The following QRICH1 variants were observed in gnomAD, a reference collection of about 807,000 sequenced individuals.
QRICH1 encodes transcriptional regulator QRICH1.
Under a neutral mutation model 87.1 loss-of-function variants are expected in QRICH1, and 16 were observed. The observed-to-expected ratio is 0.18, with a 90% CI of 0.12 to 0.28. The LOEUF (loss-of-function observed/expected upper bound fraction) is 0.28, where lower values mean the gene tolerates loss of function less well. QRICH1 is among the 10% of genes least tolerant of loss of function. QRICH1 has a pLI of 1.00. For missense variants in QRICH1, 647 were observed against 951.7 expected (o/e 0.68, Z 4.21); for synonymous variants, 367 against 368.4 (o/e 1.00, Z 0.05).
chr3:49,049,619 T>A (rs911205488), intron 3 of QRICH1, among the ~76,000 whole-genome samples: 1 of 151,866 alleles, frequency 6.6e-6, no homozygotes, highest in Non-Finnish European at 1.5e-5. Flanking sequence ...TGCCTCAGCC[T>A]CCCGAGTAGC....
At chr3:49,089,339 C>T (rs1430247223) in intron 1 of QRICH1, among the ~76,000 whole-genome samples, 1 of 152,196 alleles carries the variant, frequency 6.6e-6, no homozygotes, top group East Asian at 1.9e-4. Flanking sequence ...GGATTACAGG[C>T]ATGAGCCACT....
chr3:49,038,730 A>G (rs1223668955), intron 6 of QRICH1, among the ~76,000 whole-genome samples: 2 of 152,094 alleles, frequency 1.3e-5, no homozygotes, highest in Non-Finnish European at 2.9e-5. Context: ...TTTTTAAATT[A>G]TTTTTTAAAG....
chr3:49,074,516 G>A (rs2041910228), intron 2 of QRICH1, among the ~76,000 whole-genome samples: 2 of 151,740 alleles, frequency 1.3e-5, no homozygotes, highest in Admixed American at 6.6e-5. Context: ...AGCTTGCAGA[G>A]AGCCAAGGTC....
intron 3 of QRICH1, 114 bp downstream of exon 3, chr3:49,056,748 G>C: frequency 6.7e-7 from 1 of 1,500,642 alleles, no homozygotes; most frequent in East Asian, 2.3e-5. Flanking sequence ...ACTAAATACT[G>C]CATCACTGTA....
At chr3:49,045,012 T>G (rs1181346867) in intron 5 of QRICH1, among the ~76,000 whole-genome samples, 2 of 151,874 alleles carry the variant, frequency 1.3e-5, no homozygotes, top group African/African-American at 4.8e-5. Flanking sequence ...GGCAACAGAA[T>G]AAGTCCCAAC....
rs2093450184 is a variant in QRICH1 at position 49,063,880 on chromosome 3, C to G, written c.310-5990G>C. Among the ~76,000 whole-genome samples the G allele has an allele frequency of 3.3e-5, 5 of 152,242 alleles. No homozygotes were observed. The South Asian group carries it at 8.3e-4, about 25-fold the overall frequency. On this transcript the variant is annotated intron_variant, in intron 2 of 9. Coordinates refer to ENST00000395443, the MANE Select transcript of QRICH1 (RefSeq NM_198880.3). Reference sequence around the variant, plus strand: ...ATATCTAGTAATATTTACTTGTACTCTAAATTAAAACTAGGAATTTAATTT... The same window carrying G: ...ATATCTAGTAATATTTACTTGTACTGTAAATTAAAACTAGGAATTTAATTT...
At chr3:49,054,243 C>T (rs2093388126) in intron 3 of QRICH1, among the ~76,000 whole-genome samples, 1 of 152,180 alleles carries the variant, frequency 6.6e-6, no homozygotes, top group Admixed American at 6.6e-5. Context: ...CACTGACCTG[C>T]AATTGGACCA....
intron 6 of QRICH1, among the ~76,000 whole-genome samples, chr3:49,039,521 G>A (rs1485978895): frequency 1.3e-5 from 2 of 150,066 alleles, no homozygotes; most frequent in Non-Finnish European, 3.0e-5. Flanking sequence ...GCTACTCGGA[G>A]GCTGAGGCAC....
intron 2 of QRICH1, among the ~76,000 whole-genome samples, chr3:49,063,617 C>T (rs969370070): frequency 1.3e-5 from 2 of 152,146 alleles, no homozygotes; most frequent in East Asian, 1.9e-4. Context: ...AGTGACACCC[C>T]TATCTCTACA....
In QRICH1 at chr3:49,048,939, T is replaced by C. The variant is rs2093354370; in HGVS notation, c.1339-1693A>G. ...CCCTCTGAGATGGAGTCTTGCTCTT[T>C]CGCCTAGGCTGGAGTGCAGTGGCAC... On this transcript the variant is annotated intron_variant, in intron 3 of 9. Transcript: ENST00000395443. Among the ~76,000 whole-genome samples the C allele has an allele frequency of 7.9e-5, 12 of 151,394 alleles. No individual in the cohort carries two copies. In the South Asian group the frequency reaches 2.5e-3, roughly 32 times the overall value.
At chr3:49,074,583 C>T (rs1232507936) in intron 2 of QRICH1, among the ~76,000 whole-genome samples, 1 of 148,290 alleles carries the variant, frequency 6.7e-6, no homozygotes, top group African/African-American at 2.5e-5. Context: ...GGAAAAAATA[C>T]AAAAGAAAAG....
At chr3:49,077,688 T>G (rs1204834135) in intron 1 of QRICH1, among the ~76,000 whole-genome samples, 3 of 152,196 alleles carry the variant, frequency 2.0e-5, no homozygotes, top group African/African-American at 7.2e-5. Flanking sequence ...TATGTAACTC[T>G]AGAAAAGTCA....
At chr3:49,034,123 G>A (rs1036406740) in intron 6 of QRICH1, among the ~76,000 whole-genome samples, 16 of 145,920 alleles carry the variant, frequency 1.1e-4, no homozygotes, top group African/African-American at 1.8e-4. Flanking sequence ...AAGATACAGG[G>A]TCTCTTCTAC....
chr3:49,093,832 C>T, intron 1 of QRICH1, 80 bp downstream of exon 1: 1 of 272,758 alleles, frequency 3.7e-6, no homozygotes, highest in Non-Finnish European at 6.8e-6. Context: ...CCGCCCGCCC[C>T]CGCCCGCCGT....
chr3:49,090,488 C>T (rs1256856768), intron 1 of QRICH1, among the ~76,000 whole-genome samples: 1 of 147,730 alleles, frequency 6.8e-6, no homozygotes, highest in African/African-American at 2.5e-5. Flanking sequence ...ATTAGCCCAG[C>T]GTGGTGGCGG....
intron 1 of QRICH1, among the ~76,000 whole-genome samples, chr3:49,077,264 A>C (rs1348769650): frequency 6.6e-6 from 1 of 152,182 alleles, no homozygotes; most frequent in Non-Finnish European, 1.5e-5. Context: ...CAAAAAAACA[A>C]ACACATGCTT....
intron 6 of QRICH1, 66 bp from the exon 7 acceptor site, chr3:49,033,294 G>A: frequency 2.0e-6 from 2 of 989,790 alleles, no homozygotes; most frequent in African/African-American, 1.7e-5. Flanking sequence ...TACAATATGG[G>A]ATGTGTGAAG....
chr3:49,032,653 C>A lies in QRICH1; in HGVS notation c.2016G>T (p.Lys672Asn), dbSNP rs1403850772. ...GGCCAGTCTGGTGTATTCCAAGGGCCTTCAAGTACCGGATACTCGTGCTTT... is the reference window on the plus strand; with the variant it reads ...GGCCAGTCTGGTGTATTCCAAGGGCATTCAAGTACCGGATACTCGTGCTTT... ...KDKSTSIRYLKALGIHQTGQK... is the reference protein window; with the variant it reads ...KDKSTSIRYLNALGIHQTGQK... The change falls in exon 8 of 10, where the codon AAG (lysine) becomes AAT (asparagine). Residue 672 changes from lysine to asparagine, a missense_variant. Physicochemically the swap from Lys to Asn is moderately conservative, Grantham distance 94. Around this residue, in one of 7 missense-constraint regions of QRICH1, gnomAD observed 187 missense variants for 309.5 expected, o/e 0.60. Coordinates refer to ENST00000395443, the MANE Select transcript of QRICH1 (RefSeq NM_198880.3). The A allele has an allele frequency of 1.2e-6, 2 of 1,608,372 alleles. No individual in the cohort carries two copies. Among genetic ancestry groups the A allele is most frequent in the East Asian group, 2.2e-5 (1 of 44,788 alleles).
intron 6 of QRICH1, among the ~76,000 whole-genome samples, chr3:49,034,079 T>TTTTTTATTA (rs1553739007): frequency 1.8e-4 from 27 of 147,208 alleles, no homozygotes; most frequent in African/African-American, 5.7e-4. Context: ...TTTGGGGGAT[T>TTTTTTATTA]TTATTATTAT....
Sources: allele counts gnomAD v4.1 joint callset (sites outside exome capture counted in the v4.1 genomes callset), GRCh38; gene constraint gnomAD v4.1.1; regional missense constraint gnomAD v4.1.1; transcripts MANE v1.5; gene names NCBI Gene and HGNC (gene_info 2026-07-23, HGNC 2026-07-21).